CACNA2D3: variants seen among roughly 807,000 people sequenced by gnomAD.
CACNA2D3 encodes voltage-dependent calcium channel subunit alpha-2/delta-3.
CACNA2D3 carries 60 observed loss-of-function variants against 160.6 expected under a neutral mutation model. The ratio of observed to expected loss-of-function variants is 0.37; its 90% CI spans 0.30 to 0.46. The LOEUF (loss-of-function observed/expected upper bound fraction) is 0.46, where lower values mean the gene tolerates loss of function less well. Ranked by LOEUF, CACNA2D3 falls within the 20% of genes least tolerant of loss-of-function variation. The pLI is 1.00. For missense variants in CACNA2D3, 1,205 were observed against 1,365.0 expected, an observed-to-expected ratio of 0.88 and a Z score of 1.85; for synonymous variants, 558 against 492.9, an observed-to-expected ratio of 1.13 and a Z score of -1.75.
rs187828804 is a variant in CACNA2D3 at position 54,911,399 on chromosome 3, C to T, written c.2449+11531C>T. Among the ~76,000 whole-genome samples, 1,208 of 123,088 alleles carry T rather than the reference C, an allele frequency of 9.8e-3. 9 individuals are homozygous for T. The highest frequency in any genetic ancestry group is 0.015 in the Non-Finnish European group (920 of 62,284). 80.8% of individuals were successfully genotyped at this position (123,088 alleles called of 152,430 possible). On this transcript the variant is annotated intron_variant, in intron 27 of 37. Coordinates refer to ENST00000474759, the MANE Select transcript of CACNA2D3 (RefSeq NM_018398.3). ...AAAGAGATGGGGGTCACACGTTTTT[C>T]CCCAGACTGGTCTTGAACTCCTGGG...
chr3:54,329,327 T>C (rs1704192982), intron 3 of CACNA2D3, among the ~76,000 whole-genome samples: 1 of 152,232 alleles, frequency 6.6e-6, no homozygotes, highest in South Asian at 2.1e-4. Flanking sequence ...GTTTGTGGAT[T>C]GACTTACAGG....
At chr3:54,687,320 T>TG (rs1167573642) in intron 11 of CACNA2D3, among the ~76,000 whole-genome samples, 2 of 149,644 alleles carry the variant, frequency 1.3e-5, no homozygotes, top group African/African-American at 4.9e-5. Context: ...TTTTTTTTTT[T>TG]TTTTGTACCT....
At chr3:54,638,292 G>C (rs1349689438) in intron 10 of CACNA2D3, 1 of 151,910 alleles carries the variant, frequency 6.6e-6, no homozygotes, top group Non-Finnish European at 1.5e-5. Context: ...TTTTATATTT[G>C]ATGAAAAAGA....
chr3:54,889,626 C>T (rs544456244), intron 24 of CACNA2D3, among the ~76,000 whole-genome samples: 12 of 152,254 alleles, frequency 7.9e-5, no homozygotes, highest in African/African-American at 2.6e-4. Flanking sequence ...TTCTAGACAT[C>T]GTGAGCTGAA....
chr3:55,061,637 AT>A (rs1485747210), intron 35 of CACNA2D3, among the ~76,000 whole-genome samples: 6 of 152,224 alleles, frequency 3.9e-5, no homozygotes, highest in Admixed American at 1.3e-4. Flanking sequence ...CCCAGCAGGC[AT>A]TTCCTTTCAT....
rs138988047 is a variant in CACNA2D3 at position 54,604,358 on chromosome 3, A to G, written c.963+22481A>G. The stretch of plus-strand genomic sequence containing the variant: ...TGTTAGACCCAGACTTTAGACCCCA[A>G]TGATGCCAGCACTCACACTGCCAAC... On this transcript the variant is annotated intron_variant, in intron 9 of 37. Coordinates refer to ENST00000474759, the MANE Select transcript of CACNA2D3 (RefSeq NM_018398.3). 8.8e-4 allele frequency among the ~76,000 whole-genome samples: 134 copies of G among 152,296 alleles called. 1 individual carries two copies. Among genetic ancestry groups the G allele is most frequent in the African/African-American group, 2.0e-3 (84 of 41,570 alleles).
intron 2 of CACNA2D3, among the ~76,000 whole-genome samples, chr3:54,176,200 T>G (rs1700674383): frequency 6.6e-6 from 1 of 152,236 alleles, no homozygotes. Flanking sequence ...GCTGTGGAGT[T>G]GATTTGTCCT....
intron 2 of CACNA2D3, among the ~76,000 whole-genome samples, chr3:54,279,237 T>G (rs1702816361): frequency 1.3e-5 from 2 of 152,140 alleles, no homozygotes; most frequent in Non-Finnish European, 2.9e-5. Context: ...GAGGTGCAGA[T>G]TCTGACTAAC....
intron 9 of CACNA2D3, among the ~76,000 whole-genome samples, chr3:54,612,466 C>T (rs1000915912): frequency 2.0e-5 from 3 of 152,080 alleles, no homozygotes; most frequent in South Asian, 2.1e-4. Context: ...CAGGGAGGCC[C>T]GTGGAAGGCC....
At chr3:54,992,400 G>C (rs1245701375) in intron 31 of CACNA2D3, among the ~76,000 whole-genome samples, 1 of 152,126 alleles carries the variant, frequency 6.6e-6, no homozygotes, top group Non-Finnish European at 1.5e-5. Context: ...ACCCTCCTGA[G>C]TGTGGGCACT....
intron 2 of CACNA2D3, among the ~76,000 whole-genome samples, chr3:54,282,393 GC>G (rs1702902512): frequency 6.6e-6 from 1 of 152,190 alleles, no homozygotes; most frequent in Non-Finnish European, 1.5e-5. Flanking sequence ...TTGGATAGTA[GC>G]CATTAGCCAG....
chr3:54,161,420 A>G (rs1340707165), intron 2 of CACNA2D3, among the ~76,000 whole-genome samples: 1 of 152,222 alleles, frequency 6.6e-6, no homozygotes, highest in Non-Finnish European at 1.5e-5. Context: ...GCCTGTGAAC[A>G]CATGTTAGTT....
At chr3:54,386,138 GTTTAA>G in intron 3 of CACNA2D3, 1 of 350,652 alleles carries the variant, frequency 2.9e-6, no homozygotes, top group Non-Finnish European at 5.5e-6. Context: ...CTGAGTATTA[GTTTAA>G]TTTAAGTGAT....
At chr3:54,536,792 C>T (rs1701896349) in intron 5 of CACNA2D3, among the ~76,000 whole-genome samples, 1 of 152,210 alleles carries the variant, frequency 6.6e-6, no homozygotes, top group Non-Finnish European at 1.5e-5. Flanking sequence ...TTCTCTCACT[C>T]TGATAGAATA....
intron 8 of CACNA2D3, among the ~76,000 whole-genome samples, chr3:54,573,373 A>G (rs957932114): frequency 6.6e-6 from 1 of 152,244 alleles, no homozygotes; most frequent in Non-Finnish European, 1.5e-5. Context: ...TAGGCAATGT[A>G]TGTAATAATT....
intron 2 of CACNA2D3, among the ~76,000 whole-genome samples, chr3:54,125,118 A>G (rs1576942271): frequency 6.6e-6 from 1 of 152,218 alleles, no homozygotes; most frequent in East Asian, 1.9e-4. Context: ...TGCACGTTGT[A>G]GTTGTAGCAA....
chr3:54,748,202 A>G (rs1020591575), intron 11 of CACNA2D3, among the ~76,000 whole-genome samples: 1 of 152,174 alleles, frequency 6.6e-6, no homozygotes, highest in Non-Finnish European at 1.5e-5. Flanking sequence ...CAATTGCCCC[A>G]TATAACTCTC....
chr3:54,349,030 CTG>C (rs1203349873), intron 3 of CACNA2D3, among the ~76,000 whole-genome samples: 1 of 152,134 alleles, frequency 6.6e-6, no homozygotes, highest in Non-Finnish European at 1.5e-5. Context: ...GCCCGTCCGA[CTG>C]TTACTTTTTT....
intron 5 of CACNA2D3, among the ~76,000 whole-genome samples, chr3:54,549,766 C>A (rs1400165216): frequency 6.6e-6 from 1 of 152,210 alleles, no homozygotes; most frequent in Non-Finnish European, 1.5e-5. Context: ...ATATTTCAGA[C>A]CCTGTCAGGG....
Sources: gnomAD v4.1 joint callset for allele counts (sites outside exome capture counted in the v4.1 genomes callset) on GRCh38, gnomAD v4.1.1 for gene constraint, MANE v1.5 for transcripts, NCBI Gene and HGNC (gene_info 2026-07-23, HGNC 2026-07-21) for gene names.